ZBTB20: variants seen among roughly 807,000 people sequenced by gnomAD.
ZBTB20 encodes zinc finger and BTB domain-containing protein 20.
ZBTB20 carries 9 observed loss-of-function variants against 56.9 expected under a neutral mutation model. That is an observed-to-expected ratio of 0.16 (90% CI 0.10 to 0.28). ZBTB20 has a LOEUF of 0.28. Among genes scored for constraint, ZBTB20 ranks in the 10% least tolerant of loss-of-function variants. ZBTB20 has a pLI of 1.00. For synonymous variants in ZBTB20, 417 were observed against 420.7 expected, an observed-to-expected ratio of 0.99 and a Z score of 0.11; for missense variants, 655 against 1,003.0, an observed-to-expected ratio of 0.65 and a Z score of 4.69.
chr3:114,836,874 A>G (rs2074145883), intron 4 of ZBTB20, among the ~76,000 whole-genome samples: 1 of 152,224 alleles, frequency 6.6e-6, no homozygotes, highest in South Asian at 2.1e-4. Flanking sequence ...GTAAAATTCT[A>G]CAAGTTATAT....
chr3:114,992,178 T>C (rs1463913521), intron 2 of ZBTB20, among the ~76,000 whole-genome samples: 1 of 152,058 alleles, frequency 6.6e-6, no homozygotes, highest in Non-Finnish European at 1.5e-5. Flanking sequence ...AAAGGAGATG[T>C]AATTTTATCA....
intron 6 of ZBTB20, among the ~76,000 whole-genome samples, chr3:114,503,739 G>A (rs2109710236): frequency 6.6e-6 from 1 of 151,836 alleles, no homozygotes. Flanking sequence ...AGAGAGAGGG[G>A]GATGACGAGG....
chr3:114,682,165 CA>C (rs563571379), intron 6 of ZBTB20, among the ~76,000 whole-genome samples: 259 of 152,156 alleles, frequency 1.7e-3, no homozygotes, highest in African/African-American at 5.8e-3. Flanking sequence ...ATGTTACTCA[CA>C]ACACAGATTT....
intron 4 of ZBTB20, among the ~76,000 whole-genome samples, chr3:114,893,720 A>AT (rs1318986855): frequency 2.0e-5 from 3 of 152,042 alleles, no homozygotes; most frequent in South Asian, 4.2e-4. Flanking sequence ...TAGTGAAAAA[A>AT]AAAAGATGAG....
chr3:114,350,601 A>G lies in ZBTB20; in HGVS notation c.1477T>C (p.Leu493=). The G allele has an allele frequency of 6.2e-7, 1 of 1,614,184 alleles. No homozygotes were observed. Among genetic ancestry groups the G allele is most frequent in the Non-Finnish European group, 8.5e-7 (1 of 1,180,026 alleles). The change falls in exon 11 of 12, where the codon TTG becomes CTG. Residue 493 remains leucine, a synonymous_variant. Transcript: ENST00000675478. ...CCAATGACCTGCGTGTTGCTGGTCAAGGTCAGAGGCATCCTCAGGTTGCTG... is the reference window on the plus strand; with the variant it reads ...CCAATGACCTGCGTGTTGCTGGTCAGGGTCAGAGGCATCCTCAGGTTGCTG... ...LTSNLRMPLT[L]TSNTQVIGTA... is the part of the protein sequence containing the mutation.
intron 3 of ZBTB20, among the ~76,000 whole-genome samples, chr3:114,966,933 A>T (rs1040956038): frequency 5.9e-5 from 9 of 152,178 alleles, no homozygotes; most frequent in Non-Finnish European, 1.3e-4. Context: ...TCTATTCTAT[A>T]AGAAAAGAGT....
intron 5 of ZBTB20, among the ~76,000 whole-genome samples, chr3:114,742,804 T>C (rs2066716439): frequency 1.3e-5 from 2 of 152,114 alleles, no homozygotes; most frequent in South Asian, 4.1e-4. Context: ...AACAATTAAA[T>C]CAGAATTTCT....
At chr3:114,369,172 A>G (rs2082727928) in intron 10 of ZBTB20, among the ~76,000 whole-genome samples, 1 of 152,246 alleles carries the variant, frequency 6.6e-6, no homozygotes, top group Non-Finnish European at 1.5e-5. Context: ...ACAGTAAAAA[A>G]TTGAAGGACA....
Position 114,899,379 on chromosome 3 carries a change from C to T in ZBTB20, c.-417+925G>A, listed in dbSNP as rs143033835. Among the ~76,000 whole-genome samples the T allele has an allele frequency of 1.6e-4, 25 of 152,218 alleles. No homozygotes were observed. In the East Asian group the frequency reaches 4.6e-3, roughly 28 times the overall value. ...CTACATCCAGCCTCACATAGTGGGG[C>T]TGCCAACACGGTGAAATTGAGCCAA... On this transcript the variant is annotated intron_variant, in intron 4 of 11. Coordinates refer to ENST00000675478, the MANE Select transcript of ZBTB20 (RefSeq NM_001348800.3).
chr3:114,838,297 G>T (rs1404769666), intron 4 of ZBTB20, among the ~76,000 whole-genome samples: 23 of 152,112 alleles, frequency 1.5e-4, no homozygotes, highest in Admixed American at 1.5e-3. Flanking sequence ...ACTCAAAAAA[G>T]AATTTAAGAA....
Position 114,600,371 on chromosome 3 carries a change from G to A in ZBTB20, c.-295+93157C>T, listed in dbSNP as rs545806331. Among the ~76,000 whole-genome samples, 5 of 152,028 alleles carry A rather than the reference G, an allele frequency of 3.3e-5. No homozygotes were observed. The East Asian group carries it at 9.7e-4, about 29-fold the overall frequency. On this transcript the variant is annotated intron_variant, in intron 6 of 11. Coordinates refer to ENST00000675478, the MANE Select transcript of ZBTB20 (RefSeq NM_001348800.3). Reference sequence around the variant, plus strand: ...GATCCTCTTACCTCTCTCTCCTCAGGCTCCTTGGTCTGAAAATTCCTGAGT... The same window carrying A: ...GATCCTCTTACCTCTCTCTCCTCAGACTCCTTGGTCTGAAAATTCCTGAGT...
intron 6 of ZBTB20, among the ~76,000 whole-genome samples, chr3:114,535,644 G>A (rs187189202): frequency 7.2e-5 from 11 of 152,240 alleles, no homozygotes; most frequent in Non-Finnish European, 1.3e-4. Flanking sequence ...CTTTTTATGA[G>A]GCCAGAATCA....
chr3:114,458,173 A>G (rs2092133046), intron 7 of ZBTB20, among the ~76,000 whole-genome samples: 1 of 152,202 alleles, frequency 6.6e-6, no homozygotes, highest in African/African-American at 2.4e-5. Flanking sequence ...CTTTGAGGAC[A>G]GTGTTAGCAC....
At chr3:114,651,306 C>T (rs770532104) in intron 6 of ZBTB20, among the ~76,000 whole-genome samples, 9 of 151,864 alleles carry the variant, frequency 5.9e-5, no homozygotes, top group Non-Finnish European at 1.2e-4. Context: ...CCTGATGGCA[C>T]TTAAGAAAGC....
intron 6 of ZBTB20, among the ~76,000 whole-genome samples, chr3:114,598,835 A>G (rs1166519965): frequency 6.6e-6 from 1 of 152,154 alleles, no homozygotes; most frequent in Admixed American, 6.6e-5. Context: ...AGCATGAAGT[A>G]TATCAACAAA....
intron 4 of ZBTB20, among the ~76,000 whole-genome samples, chr3:114,864,879 C>CGA (rs2075697849): frequency 6.6e-6 from 1 of 152,106 alleles, no homozygotes; most frequent in Non-Finnish European, 1.5e-5. Context: ...TGCCACACTT[C>CGA]TTCAATCTGC....
chr3:114,475,054 T>C (rs2040586877), intron 7 of ZBTB20, among the ~76,000 whole-genome samples: 2 of 152,190 alleles, frequency 1.3e-5, no homozygotes. Context: ...AATAATCAAG[T>C]CCTTTCACTT....
chr3:115,018,944 G>C (rs2080091087), intron 2 of ZBTB20, among the ~76,000 whole-genome samples: 1 of 151,188 alleles, frequency 6.6e-6, no homozygotes, highest in African/African-American at 2.4e-5. Context: ...TTTGTTCTGA[G>C]AATATTATGA....
At chr3:114,943,719 T>C (rs763646258) in intron 3 of ZBTB20, among the ~76,000 whole-genome samples, 1 of 144,922 alleles carries the variant, frequency 6.9e-6, no homozygotes, top group African/African-American at 2.8e-5. Context: ...TAGAGATATA[T>C]AGAACATGGT....
Sources: gnomAD v4.1 joint callset for allele counts (sites outside exome capture counted in the v4.1 genomes callset) on GRCh38, gnomAD v4.1.1 for gene constraint, MANE v1.5 for transcripts, NCBI Gene and HGNC (gene_info 2026-07-23, HGNC 2026-07-21) for gene names.